The following KIAA1217 variants were observed in gnomAD, a reference collection of about 807,000 sequenced individuals.
The protein encoded by KIAA1217 is KIAA1217, also known as sickle tail protein homolog.
KIAA1217 carries 88 observed loss-of-function variants against 163.9 expected under a neutral mutation model. The ratio of observed to expected loss-of-function variants is 0.54; its 90% CI spans 0.45 to 0.64. KIAA1217 has a LOEUF of 0.64. Among genes scored for constraint, KIAA1217 ranks in the 30% least tolerant of loss-of-function variants. The probability of loss-of-function intolerance (pLI) is 0.00; values close to 1 mark genes in which losing one functional copy is unlikely to be tolerated. For missense variants in KIAA1217, 2,372 were observed against 2,475.0 expected (o/e 0.96, Z 0.88); for synonymous variants, 903 against 923.1 (o/e 0.98, Z 0.39).
intron 2 of KIAA1217, among the ~76,000 whole-genome samples, chr10:24,333,998 A>G (rs891580311): frequency 2.7e-4 from 41 of 152,232 alleles, no homozygotes; most frequent in African/African-American, 9.2e-4. Flanking sequence ...AACTTGGAAT[A>G]GATTTAAAAG....
intron 10 of KIAA1217, among the ~76,000 whole-genome samples, chr10:24,515,131 A>T (rs1358027179): frequency 1.3e-5 from 2 of 151,922 alleles, no homozygotes; most frequent in Non-Finnish European, 2.9e-5. Context: ...CAGTGGCATG[A>T]TCTCGGCTCA....
intron 2 of KIAA1217, among the ~76,000 whole-genome samples, chr10:24,129,388 G>A (rs574667177): frequency 2.0e-5 from 3 of 152,068 alleles, no homozygotes; most frequent in Non-Finnish European, 4.4e-5. Context: ...TAAGATCTTA[G>A]CATTAATGTT....
intron 3 of KIAA1217, among the ~76,000 whole-genome samples, chr10:24,399,518 G>C (rs373051683): frequency 1.3e-5 from 2 of 152,154 alleles, no homozygotes; most frequent in South Asian, 4.1e-4. Context: ...TATTCTCATT[G>C]GTAACATGTC....
chr10:24,276,199 C>T (rs746583512), intron 2 of KIAA1217, among the ~76,000 whole-genome samples: 6 of 152,124 alleles, frequency 3.9e-5, no homozygotes, highest in Admixed American at 2.0e-4. Flanking sequence ...AATAAGAATA[C>T]AAATGGAGTT....
At chr10:24,210,346 T>C (rs1423067638) in intron 1 of KIAA1217, among the ~76,000 whole-genome samples, 1 of 151,936 alleles carries the variant, frequency 6.6e-6, no homozygotes, top group East Asian at 1.9e-4. Flanking sequence ...AATCCCTGAG[T>C]CTGAACAGTC....
intron 1 of KIAA1217, among the ~76,000 whole-genome samples, chr10:23,976,423 T>C (rs117121983): frequency 2.6e-5 from 4 of 152,298 alleles, no homozygotes; most frequent in African/African-American, 4.8e-5. Context: ...TTAAGCATAT[T>C]AAAATATGAT....
At chr10:24,131,021 A>G (rs757845216) in intron 2 of KIAA1217, among the ~76,000 whole-genome samples, 3 of 152,236 alleles carry the variant, frequency 2.0e-5, no homozygotes, top group Admixed American at 6.5e-5. Context: ...AAAAATACAT[A>G]TCTTTAGATT....
At chr10:24,522,052 A>C in intron 12 of KIAA1217, 123 bp downstream of exon 12, 1 of 1,082,856 alleles carries the variant, frequency 9.2e-7, no homozygotes, top group Non-Finnish European at 1.3e-6. Flanking sequence ...TCCTGAGGAA[A>C]AGCCCCAAGT....
At chr10:23,735,018 A>G (rs1004103775) in intron 1 of KIAA1217, among the ~76,000 whole-genome samples, 6 of 152,002 alleles carry the variant, frequency 3.9e-5, no homozygotes, top group Admixed American at 2.0e-4. Context: ...AGAAAATATC[A>G]CAATTTATTT....
At chr10:23,818,314 T>TAA (rs1279631616) in intron 1 of KIAA1217, among the ~76,000 whole-genome samples, 2 of 133,338 alleles carry the variant, frequency 1.5e-5, no homozygotes, top group East Asian at 2.0e-4. Context: ...TATATATATA[T>TAA]AACACTATAT....
intron 1 of KIAA1217, among the ~76,000 whole-genome samples, chr10:23,729,069 C>T (rs1286618020): frequency 1.3e-5 from 2 of 152,158 alleles, no homozygotes; most frequent in Non-Finnish European, 2.9e-5. Flanking sequence ...TTCAGATTGT[C>T]TTCTTTTATC....
chr10:24,222,049 T>C (rs1474854930), intron 2 of KIAA1217, among the ~76,000 whole-genome samples: 1 of 152,210 alleles, frequency 6.6e-6, no homozygotes, highest in African/African-American at 2.4e-5. Flanking sequence ...TATTTTTCCA[T>C]GTCAAAAATA....
intron 2 of KIAA1217, among the ~76,000 whole-genome samples, chr10:24,127,406 CTT>C (rs1188754285): frequency 2.0e-5 from 3 of 152,030 alleles, no homozygotes; most frequent in Non-Finnish European, 4.4e-5. Flanking sequence ...GTGCAAATGT[CTT>C]TTGCTTTTCC....
intron 2 of KIAA1217, among the ~76,000 whole-genome samples, chr10:24,100,352 G>A (rs2062363620): frequency 6.6e-6 from 1 of 152,216 alleles, no homozygotes; most frequent in African/African-American, 2.4e-5. Context: ...AGGACACTCT[G>A]TGACTCGGTA....
At chr10:24,046,314 C>T (rs1038604645) in intron 2 of KIAA1217, among the ~76,000 whole-genome samples, 3 of 152,138 alleles carry the variant, frequency 2.0e-5, no homozygotes, top group Non-Finnish European at 4.4e-5. Context: ...ATTATAAATA[C>T]ACTGACTCAT....
At chr10:23,918,928 C>T (rs953930065) in intron 1 of KIAA1217, among the ~76,000 whole-genome samples, 3 of 152,062 alleles carry the variant, frequency 2.0e-5, no homozygotes, top group Admixed American at 6.5e-5. Context: ...TCTCCCCATA[C>T]AAGGCTTAAA....
rs138141934 is a variant in KIAA1217, at chr10:24,013,040, G to A, written c.-171+5666G>A. Among the ~76,000 whole-genome samples the A allele has an allele frequency of 4.2e-3, 633 of 152,256 alleles. 5 individuals are homozygous for A. Among genetic ancestry groups the A allele is most frequent in the African/African-American group, 0.014 (587 of 41,562 alleles). ...TGGTACTTTTGCAGATAAGCACAGAGTGACAATAAATTTGAGTCACTCAAA... is the reference window on the plus strand; with the variant it reads ...TGGTACTTTTGCAGATAAGCACAGAATGACAATAAATTTGAGTCACTCAAA... On this transcript the variant is annotated intron_variant, in intron 2 of 18. Transcript: ENST00000376462.
intron 2 of KIAA1217, among the ~76,000 whole-genome samples, chr10:24,358,955 A>G (rs2049505844): frequency 6.6e-6 from 1 of 152,116 alleles, no homozygotes; most frequent in African/African-American, 2.4e-5. Flanking sequence ...GAGTTCAGAC[A>G]TATCCATTGG....
rs756395776 is a variant in KIAA1217, at chr10:24,380,876, G to C, written c.362G>C (p.Ser121Thr). The C allele has an allele frequency of 2.4e-5, 37 of 1,526,700 alleles. No homozygotes were observed. Among genetic ancestry groups the C allele is most frequent in the Non-Finnish European group, 3.3e-5 (37 of 1,134,716 alleles). The allele number at this position is 1,526,700 out of a possible 1,614,324, so 94.6% of individuals were successfully genotyped here. A position where few individuals can be genotyped will look rare whatever the true frequency, so the allele number is the denominator to read the frequency against. ...TTAAAATGCCTTTTGCAGACAAGGA[G>C]CCCCAAACTGTCTCACAGTCCTCAA... ...HQERLRDQTR[S>T]PKLSHSPQPP... Residue 121 changes from serine (S) to threonine (T), a missense_variant, in exon 3 of 21, where the codon AGC becomes ACC. Physicochemically the swap from Ser to Thr is moderately conservative, Grantham distance 58. Around this residue, in one of 3 missense-constraint regions of KIAA1217, gnomAD observed 1,431 missense variants for 1,470.3 expected, o/e 0.97. Transcript: ENST00000376454.
Sources: allele counts gnomAD v4.1 joint callset (sites outside exome capture counted in the v4.1 genomes callset), GRCh38; gene constraint gnomAD v4.1.1; regional missense constraint gnomAD v4.1.1; transcripts MANE v1.5; gene names NCBI Gene and HGNC (gene_info 2026-07-23, HGNC 2026-07-21).